SLC38A6: variants seen among roughly 807,000 people sequenced by gnomAD.
SLC38A6 encodes the protein N system amino acid transporter NAT-1.
Under a neutral mutation model 65.0 loss-of-function variants are expected in SLC38A6, and 73 were observed. That is an observed-to-expected ratio of 1.12 (90% CI 0.93 to 1.37). The LOEUF is 1.37. Ranked by LOEUF, SLC38A6 falls within the 40% of genes most tolerant of loss-of-function variation. The pLI is 0.00. For missense variants in SLC38A6, 561 were observed against 531.1 expected (o/e 1.06, Z -0.55); for synonymous variants, 183 against 178.8 (o/e 1.02, Z -0.19).
chr14:61,083,440 C>A (rs1461425880), intron 16 of SLC38A6: 4 of 1,433,730 alleles, frequency 2.8e-6, no homozygotes, highest in Non-Finnish European at 2.8e-6. Flanking sequence ...AGGCCCCAAT[C>A]CCCAGGACCT....
At chr14:60,981,709 C>A (rs555237876) in intron 1 of SLC38A6, 1 of 1,326,424 alleles carries the variant, frequency 7.5e-7, no homozygotes, top group Admixed American at 2.2e-5. Flanking sequence ...TTTTTGTCAC[C>A]TTATTTTCTC....
At chr14:61,008,018 T>C (rs1437713345) in intron 3 of SLC38A6, among the ~76,000 whole-genome samples, 1 of 152,178 alleles carries the variant, frequency 6.6e-6, no homozygotes, top group African/African-American at 2.4e-5. Context: ...TTCTTAGTTT[T>C]GTAACTTAAT....
At position 61,036,970 on chromosome 14, in the gene SLC38A6, G is replaced by GTA. The variant is rs1283749444; in HGVS notation, c.483-88_483-87insAT. 413 of 648,260 alleles carry GTA rather than the reference G, an allele frequency of 6.4e-4. No individual in the cohort carries two copies. The African/African-American group carries it at 7.0e-3, about 11-fold the overall frequency. 40.2% of individuals were successfully genotyped at this position (648,260 alleles called of 1,614,324 possible). On this transcript the variant is annotated intron_variant, in intron 6 of 15. Coordinates refer to ENST00000267488, the MANE Select transcript of SLC38A6 (RefSeq NM_153811.3). The stretch of plus-strand genomic sequence containing the variant: ...GTAATGGTTATAACTCTGTGTGTGT[G>GTA]TGTGTGTGTGTGTGTGTGTGTGTGT...
At chr14:60,992,880 C>G (rs959340863) in intron 3 of SLC38A6, among the ~76,000 whole-genome samples, 2 of 149,372 alleles carry the variant, frequency 1.3e-5, no homozygotes, top group African/African-American at 4.9e-5. Context: ...GGCAGTCTTG[C>G]TCTGTCGCCC....
intron 13 of SLC38A6, among the ~76,000 whole-genome samples, chr14:61,050,929 C>T (rs545462943): frequency 5.3e-5 from 8 of 152,054 alleles, no homozygotes; most frequent in Non-Finnish European, 1.0e-4. Context: ...GGTTTTTCCC[C>T]CCTTTAATTC....
intron 3 of SLC38A6, among the ~76,000 whole-genome samples, chr14:61,009,170 A>T (rs1406587627): frequency 6.6e-6 from 1 of 152,220 alleles, no homozygotes; most frequent in African/African-American, 2.4e-5. Context: ...TTGCAATGTT[A>T]GTATTGAGAG....
downstream of SLC38A6, among the ~76,000 whole-genome samples, chr14:61,054,493 T>C (rs2042639191): frequency 1.3e-5 from 2 of 152,232 alleles, no homozygotes; most frequent in South Asian, 4.1e-4. Context: ...ATAACGATTC[T>C]TCCTATCCAT....
chr14:61,066,131 A>G (rs573609300), intron 15 of SLC38A6, among the ~76,000 whole-genome samples: 2 of 152,162 alleles, frequency 1.3e-5, no homozygotes, highest in Non-Finnish European at 2.9e-5. Flanking sequence ...GAATCTTTTT[A>G]TTGTACTGAG....
At chr14:61,051,432 T>C (rs1789429770) in intron 13 of SLC38A6, among the ~76,000 whole-genome samples, 1 of 152,208 alleles carries the variant, frequency 6.6e-6, no homozygotes, top group Non-Finnish European at 1.5e-5. Flanking sequence ...GATTTCTTTT[T>C]CTATTATAAA....
rs1358424183 is a variant in SLC38A6, at chr14:61,009,843, C to T, written c.311-6061C>T. The stretch of plus-strand genomic sequence containing the variant: ...TGTGAATAGTGCCACAGTAAACATA[C>T]GTGTGCCTTTGTCTTTATAGAAGCA... On this transcript the variant is annotated intron_variant, in intron 3 of 15. Transcript: ENST00000267488. Among the ~76,000 whole-genome samples the T allele has an allele frequency of 3.3e-5, 5 of 152,160 alleles. No individual in the cohort carries two copies. The East Asian group carries it at 5.8e-4, about 18-fold the overall frequency.
chr14:60,984,657 G>T (rs2037319298), intron 2 of SLC38A6, 73 bp from the exon 3 acceptor site: 1 of 1,244,326 alleles, frequency 8.0e-7, no homozygotes, highest in Admixed American at 1.7e-5. Flanking sequence ...TAAGCAATTT[G>T]TTTTTGTAAT....
chr14:61,015,383 A>G (rs2039929637), intron 3 of SLC38A6, among the ~76,000 whole-genome samples: 1 of 152,012 alleles, frequency 6.6e-6, no homozygotes, highest in Non-Finnish European at 1.5e-5. Flanking sequence ...CACTGCACCC[A>G]CTGTCCTGCA....
At chr14:61,079,312 T>G (rs184700910) in intron 16 of SLC38A6, among the ~76,000 whole-genome samples, 80 of 151,682 alleles carry the variant, frequency 5.3e-4, no homozygotes, top group Middle Eastern at 3.4e-3. Context: ...AATTTTTCTA[T>G]TTTTATTAGA....
intron 5 of SLC38A6, among the ~76,000 whole-genome samples, chr14:61,024,118 G>A (rs773925868): frequency 3.3e-5 from 5 of 152,014 alleles, no homozygotes; most frequent in South Asian, 2.1e-4. Flanking sequence ...ACAGAAAATC[G>A]TTTTTCTCCC....
rs373702976 is a variant in SLC38A6, at chr14:61,005,746, C to G, written c.311-10158C>G. 4.0e-3 allele frequency among the ~76,000 whole-genome samples: 601 copies of G among 152,148 alleles called. 1 individual carries two copies. Among genetic ancestry groups the G allele is most frequent in the South Asian group, 8.5e-3 (41 of 4,810 alleles). On this transcript the variant is annotated intron_variant, in intron 3 of 15. Coordinates refer to ENST00000267488, the MANE Select transcript of SLC38A6 (RefSeq NM_153811.3). Reference sequence around the variant, plus strand: ...TAGGAAGAATCAATATCATGAAAATCGCCATACTGCCCAAGGTAATTTATA... The same window carrying G: ...TAGGAAGAATCAATATCATGAAAATGGCCATACTGCCCAAGGTAATTTATA...
At position 60,986,253 on chromosome 14, in the gene SLC38A6, C is replaced by CT. The variant is rs1462556587; in HGVS notation, c.310+1455dup. ...TCCATCATCAGAAATACTCATAGAT[C>CT]TTTTTATACACAGAGAGCTCTAAGC... On this transcript the variant is annotated intron_variant, in intron 3 of 15. Coordinates refer to ENST00000267488, the MANE Select transcript of SLC38A6 (RefSeq NM_153811.3). Among the ~76,000 whole-genome samples the CT allele has an allele frequency of 9.8e-5, 15 of 152,334 alleles. No individual in the cohort carries two copies. The South Asian group carries it at 2.9e-3, about 29-fold the overall frequency.
Position 60,984,676 on chromosome 14 carries a change from A to T in SLC38A6, c.237-54A>T, listed in dbSNP as rs1053999478. The stretch of plus-strand genomic sequence containing the variant: ...CAATTTGTTTTTGTAATGAGACACC[A>T]TACAAAAGACAAACTTTTGGGAGGT... On this transcript the variant is annotated intron_variant, in intron 2 of 15. Coordinates refer to ENST00000267488, the MANE Select transcript of SLC38A6 (RefSeq NM_153811.3). 8 of 1,515,482 alleles carry T rather than the reference A, an allele frequency of 5.3e-6. No individual in the cohort carries two copies. The East Asian group carries it at 6.8e-5, about 13-fold the overall frequency. 93.9% of individuals were successfully genotyped at this position (1,515,482 alleles called of 1,614,324 possible). A position where few individuals can be genotyped will look rare whatever the true frequency, so the allele number is the denominator to read the frequency against.
chr14:61,067,325 AC>A (rs2043054840), intron 15 of SLC38A6, among the ~76,000 whole-genome samples: 1 of 152,176 alleles, frequency 6.6e-6, no homozygotes, highest in East Asian at 1.9e-4. Flanking sequence ...CATTGAATAT[AC>A]GTACACTTTT....
Position 61,051,874 on chromosome 14 carries a change from A to G in SLC38A6, c.1138A>G (p.Ile380Val), listed in dbSNP as rs779562026. 1.9e-5 allele frequency: 30 copies of G among 1,612,234 alleles called. No homozygotes were observed. Among genetic ancestry groups the G allele is most frequent in the Non-Finnish European group, 2.5e-5 (29 of 1,179,278 alleles). The change falls in exon 14 of 16, where the codon ATC (isoleucine) becomes GTC (valine). Residue 380 changes from isoleucine to valine, a missense_variant. Coordinates refer to ENST00000267488, the MANE Select transcript of SLC38A6 (RefSeq NM_153811.3). ...HFLITLALNI[I>V]IVLLAIYVPD... ...TTTGATCACTCTAGCACTCAATATT[A>G]TCATCGTTTTACTTGCAATATATGT...
Sources: allele counts gnomAD v4.1 joint callset (sites outside exome capture counted in the v4.1 genomes callset), GRCh38; gene constraint gnomAD v4.1.1; transcripts MANE v1.5; gene names NCBI Gene and HGNC (gene_info 2026-07-23, HGNC 2026-07-21).